The following MAMDC4 variants were observed in gnomAD, a reference collection of about 807,000 sequenced individuals.
MAMDC4 encodes the protein MAM domain containing 4, also known as apical endosomal glycoprotein.
A neutral mutation model predicts 153.3 loss-of-function variants in MAMDC4; 168 were observed. The ratio of observed to expected loss-of-function variants is 1.10; its 90% CI spans 0.97 to 1.25. The LOEUF is 1.25. Among genes scored for constraint, MAMDC4 ranks in the 50% most tolerant of loss-of-function variants. The pLI is 0.00. For synonymous variants in MAMDC4, 744 were observed against 651.5 expected (o/e 1.14, Z -2.16); for missense variants, 1,701 against 1,542.8 (o/e 1.10, Z -1.72).
intron 6 of MAMDC4, 64 bp from the exon 7 acceptor site, chr9:136,854,147 G>A: frequency 6.2e-7 from 1 of 1,611,020 alleles, no homozygotes; most frequent in South Asian, 1.1e-5. Context: ...CTCAGACCCT[G>A]TCTGCCCCCG....
At position 136,853,591 on chromosome 9, in the gene MAMDC4, C is replaced by T. The variant is rs138946290; in HGVS notation, c.375C>T (p.Thr125=). The change falls in exon 4 of 27, where the codon ACC becomes ACT. Residue 125 remains threonine, a synonymous_variant. Coordinates refer to ENST00000317446, the MANE Select transcript of MAMDC4 (RefSeq NM_206920.3). ...VGTHRGKEAS[T]AALRSPTLRE... ...CCCACCGAGGGAAAGAGGCATCCAC[C>T]GCAGCCCTGCGCTCGCCAACCCTGC... The T allele has an allele frequency of 1.1e-4, 182 of 1,612,554 alleles. 2 individuals are homozygous for T. The highest frequency in any genetic ancestry group is 8.3e-4 in the Middle Eastern group (5 of 6,060).
chr9:136,855,957 C>T lies in MAMDC4; in HGVS notation c.1589-61C>T, dbSNP rs569278534. On this transcript the variant is annotated intron_variant, in intron 13 of 26. Transcript: ENST00000317446. The stretch of plus-strand genomic sequence containing the variant: ...CAGAGGGTCTCTGGACTGGGGATCC[C>T]TGAGGGACAGAGTGGGGCCCTGGAA... 477 of 1,565,874 alleles carry T rather than the reference C, an allele frequency of 3.0e-4. 8 individuals carry two copies. In the South Asian group the frequency reaches 5.5e-3, roughly 18 times the overall value.
chr9:136,854,274 AGCAGCT>A lies in MAMDC4; in HGVS notation c.736_741del (p.Gln246_Leu247del). The stretch of plus-strand genomic sequence containing the variant: ...CAGAACAAGGTCTGCGTGGAGCCCC[AGCAGCT>A]GTGCGACGGGGAAGACAACTGCGGG... On this transcript the variant is annotated inframe_deletion, in exon 7 of 27. Coordinates refer to ENST00000317446, the MANE Select transcript of MAMDC4 (RefSeq NM_206920.3). The A allele has an allele frequency of 6.2e-7, 1 of 1,609,770 alleles. No individual in the cohort carries two copies. The highest frequency in any genetic ancestry group is 8.5e-7 in the Non-Finnish European group (1 of 1,178,670).
rs1390983401 is a variant in MAMDC4, at chr9:136,859,053, C to T, written c.3005C>T (p.Ala1002Val). The change falls in exon 24 of 27, where the codon GCT becomes GTT. Residue 1002 changes from alanine to valine, a missense_variant. Transcript: ENST00000317446. ...CTGCACAGTGCTCAGGGCCAGCTGG[C>T]TGTGTGGGGCGCAGGCGGGCATCGG... The part of the protein sequence containing the change: ...VLLHSAQGQL[A>V]VWGAGGHRRH... The T allele has an allele frequency of 6.4e-7, 1 of 1,555,846 alleles. No homozygotes were observed. Among genetic ancestry groups the T allele is most frequent in the Admixed American group, 2.0e-5 (1 of 51,252 alleles).
intron 4 of MAMDC4, 29 bp downstream of exon 4, chr9:136,853,699 G>A: frequency 6.2e-7 from 1 of 1,607,182 alleles, no homozygotes. Flanking sequence ...AGGCTCGTGG[G>A]GGGTGCCCAA....
Position 136,853,633 on chromosome 9 carries a change from T to C in MAMDC4, c.417T>C (p.Ser139=). 6.2e-7 allele frequency: 1 copy of C among 1,612,156 alleles called. No homozygotes were observed. Among genetic ancestry groups the C allele is most frequent in the African/African-American group, 1.3e-5 (1 of 74,976 alleles). The change falls in exon 4 of 27, where the codon TCT becomes TCC. Residue 139 remains serine, a synonymous_variant. Coordinates refer to ENST00000317446, the MANE Select transcript of MAMDC4 (RefSeq NM_206920.3). ...RSPTLREAAS[S]CKLRLWYHAA... is the part of the protein sequence containing the mutation. ...CAACCCTGCGAGAGGCAGCCTCCTC[T>C]TGCAAGCTGAGGCTCTGGTACCACG...
chr9:136,856,096 C>G lies in MAMDC4; in HGVS notation c.1667C>G (p.Ser556Cys). The G allele has an allele frequency of 6.2e-7, 1 of 1,612,486 alleles. No individual in the cohort carries two copies. The highest frequency in any genetic ancestry group is 8.5e-7 in the Non-Finnish European group (1 of 1,179,886). ...ARVLTPLLGP[S>C]GPSCELHLAY... ...GTCCTCACACCCCTCCTTGGCCCTTCTGGCCCCAGCTGTGAACTCCACCTG... is the reference window on the plus strand; with the variant it reads ...GTCCTCACACCCCTCCTTGGCCCTTGTGGCCCCAGCTGTGAACTCCACCTG... Residue 556 changes from serine (S) to cysteine (C), a missense_variant, in exon 14 of 27, where the codon TCT (serine) becomes TGT (cysteine). Ser to Cys is a moderately radical substitution (Grantham distance 112). Transcript: ENST00000317446.
At position 136,858,167 on chromosome 9, in the gene MAMDC4, C is replaced by T. The variant is rs755390935; in HGVS notation, c.2584-19C>T. The stretch of plus-strand genomic sequence containing the variant: ...GGCTGCCTGGACCCGCTGAGGCTGC[C>T]CTGCCCTGCACCCGCCAGGTGGTGT... On this transcript the variant is annotated intron_variant, in intron 20 of 26. Coordinates refer to ENST00000317446, the MANE Select transcript of MAMDC4 (RefSeq NM_206920.3). The T allele has an allele frequency of 1.3e-6, 2 of 1,564,924 alleles. No individual in the cohort carries two copies. Among genetic ancestry groups the T allele is most frequent in the African/African-American group, 2.7e-5 (2 of 73,784 alleles).
At chr9:136,860,480 C>T (rs1444315549) in intron 26 of MAMDC4, 82 bp from the exon 27 acceptor site, 2 of 1,444,906 alleles carry the variant, frequency 1.4e-6, no homozygotes, top group Non-Finnish European at 1.9e-6. Flanking sequence ...AAGATCGTGC[C>T]ATTGCACTCC....
At position 136,857,971 on chromosome 9, in the gene MAMDC4, G is replaced by C; in HGVS notation, c.2465-8G>C. The C allele has an allele frequency of 1.3e-6, 2 of 1,501,046 alleles. No individual in the cohort carries two copies. The highest frequency in any genetic ancestry group is 1.8e-6 in the Non-Finnish European group (2 of 1,129,140). The allele number at this position is 1,501,046 out of a possible 1,614,324, so 93.0% of individuals were successfully genotyped here. A position where few individuals can be genotyped will look rare whatever the true frequency, so the allele number is the denominator to read the frequency against. On this transcript the variant is annotated splice_polypyrimidine_tract_variant and splice_region_variant and intron_variant, in intron 19 of 26. Coordinates refer to ENST00000317446, the MANE Select transcript of MAMDC4 (RefSeq NM_206920.3). Reference sequence around the variant, plus strand: ...CACACTGCTGACCTGGGCCGCCCCTGCTGGCAGGCACCCTGCGGGTCTACC... The same window carrying C: ...CACACTGCTGACCTGGGCCGCCCCTCCTGGCAGGCACCCTGCGGGTCTACC...
In MAMDC4 at chr9:136,853,181, C is replaced by T; in HGVS notation, c.126C>T (p.Cys42=). ...CCGTGTGCAACTTCGTGTGTGACTG[C>T]AGGGACTGCTCAGATGAGGCCCAGT... ...GQAVCNFVCD[C]RDCSDEAQCG... Residue 42 remains cysteine, a synonymous_variant, in exon 2 of 27, where the codon TGC becomes TGT. Coordinates refer to ENST00000317446, the MANE Select transcript of MAMDC4 (RefSeq NM_206920.3). 1 of 1,612,852 alleles carries T rather than the reference C, an allele frequency of 6.2e-7. No homozygotes were observed. The highest frequency in any genetic ancestry group is 8.5e-7 in the Non-Finnish European group (1 of 1,179,966).
Position 136,860,786 on chromosome 9 carries a change from T to A in MAMDC4, c.*183T>A, listed in dbSNP as rs190952526. 6.4e-6 allele frequency: 4 copies of A among 621,060 alleles called. No homozygotes were observed. Among genetic ancestry groups the A allele is most frequent in the Non-Finnish European group, 1.1e-5 (4 of 360,466 alleles). 38.5% of individuals were successfully genotyped at this position (621,060 alleles called of 1,614,324 possible). On this transcript the variant is annotated 3_prime_UTR_variant, in exon 27 of 27. Transcript: ENST00000317446. The stretch of plus-strand genomic sequence containing the variant: ...CTCTGTGAATAAACACCCTGGCCCA[T>A]GAGGGCAGCCCAAGCTCCCAGGGTG...
chr9:136,856,093 C>T lies in MAMDC4; in HGVS notation c.1664C>T (p.Pro555Leu), dbSNP rs1190804295. 1.9e-6 allele frequency: 3 copies of T among 1,612,524 alleles called. No homozygotes were observed. The highest frequency in any genetic ancestry group is 1.1e-5 in the South Asian group (1 of 91,090). Residue 555 changes from proline (P) to leucine (L), a missense_variant, in exon 14 of 27, where the codon CCT (proline) becomes CTT (leucine). Transcript: ENST00000317446. ...CGGGTCCTCACACCCCTCCTTGGCC[C>T]TTCTGGCCCCAGCTGTGAACTCCAC... ...EARVLTPLLG[P>L]SGPSCELHLA...
intron 1 of MAMDC4, 115 bp from the exon 2 acceptor site, chr9:136,852,987 T>C: frequency 1.2e-6 from 1 of 845,932 alleles, no homozygotes; most frequent in African/African-American, 1.7e-5. Flanking sequence ...CATCTCCTGG[T>C]CTGAGGGGCA....
rs566112755 is a variant in MAMDC4, at chr9:136,860,438, T to C, written c.3373-124T>C. On this transcript the variant is annotated intron_variant, in intron 26 of 26. Transcript: ENST00000317446. ...CGGGAGGCTGAGGCAGGAGAATCGC[T>C]TGAACCAGGGAGGCAGGGGTTGCAG... 29 of 1,046,498 alleles carry C rather than the reference T, an allele frequency of 2.8e-5. No individual in the cohort carries two copies. In the South Asian group the frequency reaches 4.2e-4, roughly 15 times the overall value. 64.8% of individuals were successfully genotyped at this position (1,046,498 alleles called of 1,614,324 possible). A position where few individuals can be genotyped will look rare whatever the true frequency, so the allele number is the denominator to read the frequency against.
rs1023331554 is a variant in MAMDC4, at chr9:136,859,382, G to A, written c.3193+65G>A. ...AAGGGGCCAGCCTGGCTCGGGGTTT[G>A]CCAGGCTTACCAGTGTGTGGTCCCA... is the stretch of plus-strand genomic sequence containing the variant. On this transcript the variant is annotated intron_variant, in intron 25 of 26. Coordinates refer to ENST00000317446, the MANE Select transcript of MAMDC4 (RefSeq NM_206920.3). The A allele has an allele frequency of 8.3e-6, 12 of 1,437,486 alleles. No individual in the cohort carries two copies. The African/African-American group carries it at 1.1e-4, about 14-fold the overall frequency. The allele number at this position is 1,437,486 out of a possible 1,614,324, so 89.0% of individuals were successfully genotyped here.
Position 136,858,230 on chromosome 9 carries a change from G to C in MAMDC4, c.2628G>C (p.Val876=), listed in dbSNP as rs765745801. 1.2e-6 allele frequency: 2 copies of C among 1,601,236 alleles called. No individual in the cohort carries two copies. Among genetic ancestry groups the C allele is most frequent in the African/African-American group, 1.3e-5 (1 of 74,832 alleles). Residue 876 remains valine (V), a synonymous_variant, in exon 21 of 27, where the codon GTG becomes GTC. Transcript: ENST00000317446. ...CCGCAGGCGTGGCACACTCCTACGT[G>C]GCTCTGGATGATCTGCTCCTCCAGG... ...AVAAGVAHSY[V]ALDDLLLQDG... is the part of the protein sequence containing the mutation.
At position 136,855,521 on chromosome 9, in the gene MAMDC4, A is replaced by G; in HGVS notation, c.1373A>G (p.Lys458Arg). 1 of 1,593,928 alleles carries G rather than the reference A, an allele frequency of 6.3e-7. No individual in the cohort carries two copies. Among genetic ancestry groups the G allele is most frequent in the Non-Finnish European group, 8.5e-7 (1 of 1,170,598 alleles). The change falls in exon 12 of 27, where the codon AAG (lysine) becomes AGG (arginine). Residue 458 changes from lysine to arginine, a missense_variant. Transcript: ENST00000317446. Reference sequence around the variant, plus strand: ...AGCTCGCGGCTCCAGGATTCCTGCAAGCAGGGGCATCTTGCCTGCGGGGAC... The same window carrying G: ...AGCTCGCGGCTCCAGGATTCCTGCAGGCAGGGGCATCTTGCCTGCGGGGAC... The part of the protein sequence containing the change: ...PPSSRLQDSC[K>R]QGHLACGDLC...
chr9:136,855,402 G>C, intron 11 of MAMDC4, 29 bp from the exon 12 acceptor site: 1 of 1,603,938 alleles, frequency 6.2e-7, no homozygotes, highest in Non-Finnish European at 8.5e-7. Context: ...CCCCATCCCT[G>C]CCTCCTGACA....
Sources: gnomAD v4.1 joint callset for allele counts on GRCh38, gnomAD v4.1.1 for gene constraint, MANE v1.5 for transcripts, NCBI Gene and HGNC (gene_info 2026-07-23, HGNC 2026-07-21) for gene names.